The following PLA2R1 variants were observed in gnomAD, a reference collection of about 807,000 sequenced individuals.
PLA2R1 encodes secretory phospholipase A2 receptor.
Under a neutral mutation model 195.9 loss-of-function variants are expected in PLA2R1, and 158 were observed. The observed-to-expected ratio is 0.81, with a 90% CI of 0.71 to 0.92. The LOEUF is 0.92. Ranked by LOEUF, PLA2R1 falls within the 40% of genes least tolerant of loss-of-function variation. PLA2R1 has a pLI of 0.00. For missense variants in PLA2R1, 1,626 were observed against 1,764.6 expected (o/e 0.92, Z 1.41); for synonymous variants, 586 against 598.2 (o/e 0.98, Z 0.30).
rs1687034198 is a variant in PLA2R1 at position 159,940,424 on chromosome 2, C to T, written c.*1354G>A. On this transcript the variant is annotated 3_prime_UTR_variant, in exon 30 of 30. Transcript: ENST00000283243. Reference sequence around the variant, plus strand: ...ACAGCACTTTTTTGAGGTGGGGTCTCATTCAGTTGCCCAGGCAGGAGTGCA... The same window carrying T: ...ACAGCACTTTTTTGAGGTGGGGTCTTATTCAGTTGCCCAGGCAGGAGTGCA... 1 of 152,196 alleles carries T rather than the reference C, an allele frequency of 6.6e-6. No homozygotes were observed. Among genetic ancestry groups the T allele is most frequent in the Non-Finnish European group, 1.5e-5 (1 of 68,036 alleles). 9.4% of individuals were successfully genotyped at this position (152,196 alleles called of 1,614,324 possible). A position where few individuals can be genotyped will look rare whatever the true frequency, so the allele number is the denominator to read the frequency against.
intron 28 of PLA2R1, among the ~76,000 whole-genome samples, chr2:159,943,803 CTT>C (rs757413252): frequency 7.9e-5 from 11 of 140,060 alleles, no homozygotes; most frequent in Non-Finnish European, 9.4e-5. Flanking sequence ...CCATGTTTTT[CTT>C]TTTTTTTTTT....
chr2:159,960,283 C>G (rs989655722), intron 20 of PLA2R1, among the ~76,000 whole-genome samples: 5 of 152,150 alleles, frequency 3.3e-5, no homozygotes, highest in Non-Finnish European at 7.3e-5. Context: ...AACCACATAA[C>G]TTTCCTTCAT....
intron 11 of PLA2R1, among the ~76,000 whole-genome samples, chr2:159,992,454 C>T (rs1221280918): frequency 6.8e-6 from 1 of 146,426 alleles, no homozygotes; most frequent in African/African-American, 2.6e-5. Context: ...ATCCAACTTA[C>T]AAGGGATGTG....
downstream of PLA2R1, chr2:159,931,957 G>A (rs1176991792): frequency 6.6e-6 from 1 of 152,102 alleles, no homozygotes; most frequent in Non-Finnish European, 1.5e-5. Context: ...TTGATTTCCT[G>A]ACCAACTAAG....
At chr2:159,976,790 C>T (rs1472883533) in intron 15 of PLA2R1, 70 bp from the exon 16 acceptor site, 10 of 1,099,554 alleles carry the variant, frequency 9.1e-6, no homozygotes, top group Non-Finnish European at 8.4e-6. Context: ...ATTACTTCAG[C>T]TCTAAACACA....
intron 25 of PLA2R1, 103 bp downstream of exon 25, chr2:159,949,505 A>G: frequency 1.4e-6 from 1 of 739,686 alleles, no homozygotes; most frequent in Non-Finnish European, 2.2e-6. Flanking sequence ...TCTTGAAGAG[A>G]GACTTCTTAC....
chr2:160,000,270 T>C (rs754890048), intron 11 of PLA2R1, among the ~76,000 whole-genome samples: 2 of 152,212 alleles, frequency 1.3e-5, no homozygotes, highest in South Asian at 2.1e-4. Flanking sequence ...AGGAAACTTG[T>C]CTCTGTCAAT....
At chr2:159,977,970 T>C (rs1689691183) in intron 14 of PLA2R1, among the ~76,000 whole-genome samples, 1 of 152,022 alleles carries the variant, frequency 6.6e-6, no homozygotes. Flanking sequence ...AAAAAAGGTA[T>C]GCTATTCCTT....
At chr2:159,964,879 TAGTC>T (rs1688685362) in intron 20 of PLA2R1, among the ~76,000 whole-genome samples, 1 of 151,902 alleles carries the variant, frequency 6.6e-6, no homozygotes, top group South Asian at 2.1e-4. Context: ...ATACAAAAAT[TAGTC>T]AGGCGTGGTG....
chr2:159,960,358 C>T (rs1021216671), intron 20 of PLA2R1, among the ~76,000 whole-genome samples: 1 of 152,008 alleles, frequency 6.6e-6, no homozygotes, highest in Admixed American at 6.6e-5. Context: ...GTTTGTTCTC[C>T]CTCTAGTGTG....
At chr2:159,996,531 G>A (rs970008728) in intron 11 of PLA2R1, among the ~76,000 whole-genome samples, 1 of 151,908 alleles carries the variant, frequency 6.6e-6, no homozygotes, top group Non-Finnish European at 1.5e-5. Flanking sequence ...TTTTTCGTGC[G>A]TTCATCTTGG....
chr2:159,926,985 C>G, the PLA2R1 span, among the ~76,000 whole-genome samples: 1 of 152,152 alleles, frequency 6.6e-6, no homozygotes, highest in Non-Finnish European at 1.5e-5. Context: ...TGCTTACTTT[C>G]CATCTTCAAA....
chr2:160,062,201 T>C, intron 1 of PLA2R1, 94 bp downstream of exon 1: 1 of 1,015,410 alleles, frequency 9.8e-7, no homozygotes, highest in Non-Finnish European at 1.4e-6. Flanking sequence ...GCCCGCCAGC[T>C]TGGCCCCTAG....
chr2:159,977,194 T>G, intron 15 of PLA2R1, 90 bp downstream of exon 15: 1 of 913,394 alleles, frequency 1.1e-6, no homozygotes, highest in Non-Finnish European at 1.7e-6. Flanking sequence ...TGCAATTTGT[T>G]GATATTGTGG....
downstream of PLA2R1, among the ~76,000 whole-genome samples, chr2:159,927,168 C>T (rs6737530): frequency 0.056 from 8,489 of 152,206 alleles, 762 homozygotes; most frequent in African/African-American, 0.19. Context: ...AAAACTGATG[C>T]TAAAAGACTT....
chr2:159,951,234 T>A, intron 24 of PLA2R1, 106 bp downstream of exon 24: 2 of 700,764 alleles, frequency 2.9e-6, no homozygotes, highest in Non-Finnish European at 5.1e-6. Context: ...TTTATTAATA[T>A]TTTTGGGATC....
downstream of PLA2R1, among the ~76,000 whole-genome samples, chr2:159,931,449 G>A (rs867206618): frequency 2.6e-5 from 4 of 152,186 alleles, no homozygotes; most frequent in Non-Finnish European, 5.9e-5. Context: ...GAGAAAGCTT[G>A]CTAGAGTCCA....
At chr2:159,926,283 A>G in the PLA2R1 span, among the ~76,000 whole-genome samples, 1 of 152,238 alleles carries the variant, frequency 6.6e-6, no homozygotes, top group Non-Finnish European at 1.5e-5. Flanking sequence ...GTAATATATT[A>G]TCACTGTGTT....
chr2:160,053,354 G>A (rs996596497), intron 1 of PLA2R1, among the ~76,000 whole-genome samples: 1 of 150,698 alleles, frequency 6.6e-6, no homozygotes, highest in African/African-American at 2.4e-5. Flanking sequence ...TTGGTGGGGG[G>A]GGGGGGAACA....
Sources: gnomAD v4.1 joint callset for allele counts (sites outside exome capture counted in the v4.1 genomes callset) on GRCh38, gnomAD v4.1.1 for gene constraint, MANE v1.5 for transcripts, NCBI Gene and HGNC (gene_info 2026-07-23, HGNC 2026-07-21) for gene names.